Variants in PCDH11X observed in about 807,000 individuals in gnomAD.
PCDH11X encodes protocadherin 11 X-linked, also known as protocadherin-11 X-linked.
Under a neutral mutation model 53.3 loss-of-function variants are expected in PCDH11X, and 18 were observed. The observed-to-expected ratio is 0.34, with a 90% CI of 0.23 to 0.50. The LOEUF (loss-of-function observed/expected upper bound fraction) is 0.50, where lower values mean the gene tolerates loss of function less well. PCDH11X is among the 20% of genes least tolerant of loss of function. The probability of loss-of-function intolerance (pLI) is 0.98; values close to 1 mark genes in which losing one functional copy is unlikely to be tolerated. For synonymous variants in PCDH11X, 279 were observed against 393.3 expected (o/e 0.71, Z 3.44); for missense variants, 570 against 1,032.4 (o/e 0.55, Z 6.14).
intron 9 of PCDH11X, among the ~76,000 whole-genome samples, chrX:92,448,645 G>C (rs1020691366): frequency 1.0e-5 from 1 of 99,681 alleles, no homozygotes; most frequent in African/African-American, 3.7e-5. Flanking sequence ...ACTAACACAC[G>C]AAATTTCCTC....
At chrX:91,788,540 A>C (rs1935407369) in intron 1 of PCDH11X, among the ~76,000 whole-genome samples, 2 of 111,908 alleles carry the variant, frequency 1.8e-5, no homozygotes, top group Non-Finnish European at 1.9e-5. Flanking sequence ...ATTTCCTTTA[A>C]GTTTTAAATA....
intron 6 of PCDH11X, among the ~76,000 whole-genome samples, chrX:92,125,810 C>G (rs936548269): frequency 3.6e-4 from 40 of 110,333 alleles, no homozygotes; most frequent in African/African-American, 1.3e-3. Flanking sequence ...CCCTCCACCC[C>G]CCTACATTTG....
chrX:92,580,192 G>A (rs1234635326), intron 10 of PCDH11X, among the ~76,000 whole-genome samples: 1 of 106,854 alleles, frequency 9.4e-6, no homozygotes, highest in Non-Finnish European at 1.9e-5. Flanking sequence ...GGTGACCCCT[G>A]TTGGAGCATC....
intron 10 of PCDH11X, among the ~76,000 whole-genome samples, chrX:92,500,594 A>G (rs2073943407): frequency 9.1e-6 from 1 of 110,370 alleles, no homozygotes; most frequent in Non-Finnish European, 1.9e-5. Context: ...TCCACTCAAA[A>G]GCACACAGCT....
chrX:92,375,787 C>A (rs1232818485), intron 8 of PCDH11X, among the ~76,000 whole-genome samples: 5 of 108,038 alleles, frequency 4.6e-5, no homozygotes, highest in Non-Finnish European at 7.7e-5. Flanking sequence ...CCACGCCCGG[C>A]TAATTTTTGT....
chrX:92,256,011 T>C (rs1181159096), intron 7 of PCDH11X, among the ~76,000 whole-genome samples: 4 of 112,351 alleles, frequency 3.6e-5, no homozygotes, highest in Non-Finnish European at 7.5e-5. Context: ...GCCTGGGCAA[T>C]GGCGGGCGCC....
At chrX:92,203,982 T>C (rs745769692) in intron 7 of PCDH11X, among the ~76,000 whole-genome samples, 2 of 112,323 alleles carry the variant, frequency 1.8e-5, no homozygotes, top group African/African-American at 6.5e-5. Context: ...GCTTGCACCC[T>C]CTGAAGCAAT....
intron 8 of PCDH11X, among the ~76,000 whole-genome samples, chrX:92,268,080 T>C (rs78152254): frequency 8.9e-6 from 1 of 112,294 alleles, no homozygotes; most frequent in African/African-American, 3.2e-5. Flanking sequence ...TGAGATTTTT[T>C]CAGTTATCTA....
Position 91,993,864 on chromosome X carries a change from T to TA in PCDH11X, c.3033+114592dup, listed in dbSNP as rs758489192. On this transcript the variant is annotated intron_variant, in intron 6 of 10. Coordinates refer to ENST00000682573, the MANE Select transcript of PCDH11X (RefSeq NM_032968.5). ...TAATTGGCCTGACTTCATTTACACT[T>TA]ACATTTATTATTAATGTCAAGAATA... 6.1e-3 allele frequency among the ~76,000 whole-genome samples: 656 copies of TA among 107,169 alleles called. 8 individuals carry two copies. The highest frequency in any genetic ancestry group is 0.021 in the African/African-American group (629 of 29,458). The allele number at this position is 107,169 out of a possible 115,157, so 93.1% of individuals were successfully genotyped here.
chrX:92,064,930 C>T (rs1395272530), intron 6 of PCDH11X, among the ~76,000 whole-genome samples: 1 of 103,823 alleles, frequency 9.6e-6, no homozygotes, highest in Non-Finnish European at 1.9e-5. Context: ...CCTTCAGCAT[C>T]AGGGACATTG....
intron 6 of PCDH11X, among the ~76,000 whole-genome samples, chrX:91,975,031 C>T (rs1238037143): frequency 9.0e-6 from 1 of 111,205 alleles, no homozygotes; most frequent in East Asian, 2.9e-4. Flanking sequence ...GAATTACAGG[C>T]ATGAGCCGCC....
rs1400204506 is a variant in PCDH11X at position 92,099,751 on chromosome X, C to T, written c.3034-101624C>T. 4.5e-5 allele frequency among the ~76,000 whole-genome samples: 5 copies of T among 111,479 alleles called. No individual in the cohort carries two copies. In the East Asian group the frequency reaches 1.4e-3, roughly 32 times the overall value. Reference sequence around the variant, plus strand: ...AGTTCAATTTTTGTATATTTCATTGCTATGTATCCTGCTGTCATTCAGTGA... The same window carrying T: ...AGTTCAATTTTTGTATATTTCATTGTTATGTATCCTGCTGTCATTCAGTGA... On this transcript the variant is annotated intron_variant, in intron 6 of 10. Transcript: ENST00000682573.
At chrX:92,399,053 C>G (rs756100710) in intron 9 of PCDH11X, among the ~76,000 whole-genome samples, 13 of 108,533 alleles carry the variant, frequency 1.2e-4, no homozygotes, top group Admixed American at 1.1e-3. Context: ...ATTAGCCGGT[C>G]GTGGTGGTGG....
At chrX:92,019,359 G>A (rs1375214180) in intron 6 of PCDH11X, among the ~76,000 whole-genome samples, 24 of 107,293 alleles carry the variant, frequency 2.2e-4, no homozygotes, top group Non-Finnish European at 3.8e-4. Context: ...ACTATATCAA[G>A]TGGACCTGAT....
chrX:92,088,822 T>C (rs1178443878), intron 6 of PCDH11X, among the ~76,000 whole-genome samples: 1 of 111,407 alleles, frequency 9.0e-6, no homozygotes, highest in Non-Finnish European at 1.9e-5. Context: ...TTGGAGACTA[T>C]TGTAGTGTCC....
chrX:91,855,931 A>G (rs1938305610), intron 5 of PCDH11X, among the ~76,000 whole-genome samples: 1 of 110,811 alleles, frequency 9.0e-6, no homozygotes, highest in African/African-American at 3.3e-5. Flanking sequence ...ATATAAGACC[A>G]TATTATCTGT....
intron 6 of PCDH11X, among the ~76,000 whole-genome samples, chrX:92,033,689 A>C (rs1314188970): frequency 4.6e-5 from 5 of 109,219 alleles, no homozygotes; most frequent in Non-Finnish European, 9.5e-5. Flanking sequence ...GTCTTCAAAA[A>C]GCCAACTTTT....
rs1389110885 is a variant in PCDH11X at position 92,302,360 on chromosome X, T to C, written c.3144+39217T>C. 2.1e-4 allele frequency among the ~76,000 whole-genome samples: 23 copies of C among 110,573 alleles called. 1 individual carries two copies. Among genetic ancestry groups the C allele is most frequent in the Admixed American group, 1.9e-3 (20 of 10,287 alleles). ...ATACGAATACCACAGACTCTCGCTC[T>C]TTTTGTAGAATTTTAGTAGATTTTC... is the stretch of plus-strand genomic sequence containing the variant. On this transcript the variant is annotated intron_variant, in intron 8 of 10. Transcript: ENST00000682573.
chrX:92,610,881 C>T (rs902062241), intron 10 of PCDH11X, among the ~76,000 whole-genome samples: 29 of 111,318 alleles, frequency 2.6e-4, no homozygotes, highest in African/African-American at 8.8e-4. Flanking sequence ...ATTTTGTCAA[C>T]TTTGTCAAAT....
Sources: gnomAD v4.1 joint callset for allele counts (sites outside exome capture counted in the v4.1 genomes callset) on GRCh38, gnomAD v4.1.1 for gene constraint, MANE v1.5 for transcripts, NCBI Gene and HGNC (gene_info 2026-07-23, HGNC 2026-07-21) for gene names.